Variants in ASAP1 observed in about 807,000 individuals in gnomAD.
The protein encoded by ASAP1 is ArfGAP with SH3 domain, ankyrin repeat and PH domain 1.
Under a neutral mutation model 145.2 loss-of-function variants are expected in ASAP1, and 43 were observed. The ratio of observed to expected loss-of-function variants is 0.30; its 90% CI spans 0.23 to 0.38. ASAP1 has a LOEUF of 0.38. Among genes scored for constraint, ASAP1 ranks in the 10% least tolerant of loss-of-function variants. The pLI, the probability that ASAP1 is intolerant of heterozygous loss-of-function variation, is 1.00. For missense variants in ASAP1, 1,018 were observed against 1,355.3 expected, an observed-to-expected ratio of 0.75 and a Z score of 3.91; for synonymous variants, 546 against 515.5, an observed-to-expected ratio of 1.06 and a Z score of -0.80.
At chr8:130,397,572 G>T (rs1226087867) in intron 2 of ASAP1, among the ~76,000 whole-genome samples, 5 of 152,222 alleles carry the variant, frequency 3.3e-5, no homozygotes, top group African/African-American at 1.2e-4. Context: ...ACATCAGGTA[G>T]GTTCACAACT....
intron 3 of ASAP1, among the ~76,000 whole-genome samples, chr8:130,305,869 G>C (rs1822962805): frequency 6.6e-6 from 1 of 152,132 alleles, no homozygotes. Context: ...CTCTAAGAGA[G>C]GTATCTTAAG....
chr8:130,416,323 C>G (rs923454249), intron 1 of ASAP1, among the ~76,000 whole-genome samples: 1 of 152,228 alleles, frequency 6.6e-6, no homozygotes, highest in Non-Finnish European at 1.5e-5. Context: ...GAGAAAACTT[C>G]AGGGAAACAA....
At chr8:130,093,577 G>C (rs1008095560) in intron 24 of ASAP1, among the ~76,000 whole-genome samples, 1 of 143,810 alleles carries the variant, frequency 7.0e-6, no homozygotes, top group Non-Finnish European at 1.5e-5. Flanking sequence ...TGAGGCTGGA[G>C]AATCGCTTGA....
intron 25 of ASAP1, among the ~76,000 whole-genome samples, chr8:130,081,160 G>C (rs2097479361): frequency 6.6e-6 from 1 of 152,226 alleles, no homozygotes; most frequent in African/African-American, 2.4e-5. Flanking sequence ...GGAAGAGGGA[G>C]TAGGGAATGC....
intron 2 of ASAP1, among the ~76,000 whole-genome samples, chr8:130,367,605 G>T (rs1200753703): frequency 6.6e-6 from 1 of 152,118 alleles, no homozygotes; most frequent in African/African-American, 2.4e-5. Flanking sequence ...TTTTCCTTGT[G>T]GTTAAAATCA....
chr8:130,210,179 T>C (rs1003529847), intron 5 of ASAP1, among the ~76,000 whole-genome samples: 14 of 152,128 alleles, frequency 9.2e-5, no homozygotes, highest in Non-Finnish European at 2.1e-4. Flanking sequence ...AAACAATAAA[T>C]TGCAACAAAA....
intron 26 of ASAP1, 93 bp downstream of exon 26, chr8:130,079,809 C>G: frequency 2.3e-6 from 3 of 1,315,334 alleles, no homozygotes; most frequent in Non-Finnish European, 3.3e-6. Flanking sequence ...CAGCTTTGAG[C>G]AGCGCTGGGA....
chr8:130,211,143 A>G (rs1348781112), intron 5 of ASAP1, among the ~76,000 whole-genome samples: 1 of 152,200 alleles, frequency 6.6e-6, no homozygotes, highest in East Asian at 1.9e-4. Context: ...CTATGTTACA[A>G]GGTAGAAAAA....
At chr8:130,096,847 C>T (rs1436305499) in intron 24 of ASAP1, among the ~76,000 whole-genome samples, 3 of 151,928 alleles carry the variant, frequency 2.0e-5, no homozygotes, top group African/African-American at 4.8e-5. Context: ...TCCTTGAGGC[C>T]GGGCATGGTG....
At chr8:130,316,177 T>C (rs1823651376) in intron 3 of ASAP1, among the ~76,000 whole-genome samples, 1 of 152,268 alleles carries the variant, frequency 6.6e-6, no homozygotes, top group African/African-American at 2.4e-5. Context: ...GCCATCTTCA[T>C]ACCAGTCTCC....
chr8:130,057,111 C>T (rs189972342), intron 29 of ASAP1, among the ~76,000 whole-genome samples: 4 of 152,226 alleles, frequency 2.6e-5, no homozygotes, highest in African/African-American at 4.8e-5. Flanking sequence ...GGTGTCTTGG[C>T]CTATTTGACA....
chr8:130,306,885 A>G (rs1823027349), intron 3 of ASAP1, among the ~76,000 whole-genome samples: 1 of 152,198 alleles, frequency 6.6e-6, no homozygotes, highest in Non-Finnish European at 1.5e-5. Flanking sequence ...CTCAGAGCCT[A>G]ACAAACTAGA....
intron 4 of ASAP1, among the ~76,000 whole-genome samples, chr8:130,220,987 A>T (rs539948273): frequency 6.6e-6 from 1 of 152,174 alleles, no homozygotes; most frequent in South Asian, 2.1e-4. Context: ...CCCTCCCCCA[A>T]CATGTGGGGA....
intron 3 of ASAP1, among the ~76,000 whole-genome samples, chr8:130,266,548 C>T (rs1220027073): frequency 1.3e-5 from 2 of 152,148 alleles, no homozygotes; most frequent in South Asian, 2.1e-4. Context: ...TAATGACTCA[C>T]ATCAGGCCAT....
chr8:130,310,155 T>TGGGGGGGGGGGGGGGGGGGGG (rs1823251963), intron 3 of ASAP1, among the ~76,000 whole-genome samples: 1 of 48,600 alleles, frequency 2.1e-5, no homozygotes, highest in African/African-American at 7.6e-5. Flanking sequence ...GGGAGGGGGG[T>TGGGGGGGGGGGGGGGGGGGGG]GAGGGGAGGG....
intron 2 of ASAP1, among the ~76,000 whole-genome samples, chr8:130,400,790 C>CAAAAAA (rs112753204): frequency 2.9e-5 from 3 of 103,040 alleles, no homozygotes; most frequent in African/African-American, 1.0e-4. Flanking sequence ...GACTCCGTCT[C>CAAAAAA]AAAAAAAAAA....
chr8:130,311,736 G>C (rs995646890), intron 3 of ASAP1, among the ~76,000 whole-genome samples: 6 of 130,972 alleles, frequency 4.6e-5, no homozygotes, highest in Admixed American at 4.1e-4. Context: ...ACTCCAGCCT[G>C]GGCAACAAGA....
chr8:130,127,803 G>A (rs1174238824), intron 16 of ASAP1, 124 bp downstream of exon 16: 2 of 1,059,748 alleles, frequency 1.9e-6, no homozygotes, highest in Non-Finnish European at 2.6e-6. Context: ...TTGGGAATAC[G>A]TGTTTTGTGT....
intron 27 of ASAP1, among the ~76,000 whole-genome samples, chr8:130,066,912 G>A (rs1478860646): frequency 6.6e-6 from 1 of 152,144 alleles, no homozygotes; most frequent in East Asian, 1.9e-4. Flanking sequence ...CTGGGTACAG[G>A]CCCTTTCCCA....
Sources: gnomAD v4.1 joint callset for allele counts (sites outside exome capture counted in the v4.1 genomes callset) on GRCh38, gnomAD v4.1.1 for gene constraint, MANE v1.5 for transcripts, NCBI Gene and HGNC (gene_info 2026-07-23, HGNC 2026-07-21) for gene names.